Variants in MYRIP observed in about 807,000 individuals in gnomAD.
The protein encoded by MYRIP is rab effector MyRIP.
Under a neutral mutation model 98.0 loss-of-function variants are expected in MYRIP, and 49 were observed. The observed-to-expected ratio is 0.50, with a 90% CI of 0.40 to 0.63. The LOEUF is 0.63. Ranked by LOEUF, MYRIP falls within the 30% of genes least tolerant of loss-of-function variation. The pLI is 0.00. For synonymous variants in MYRIP, 404 were observed against 409.5 expected (o/e 0.99, Z 0.16); for missense variants, 1,004 against 1,058.2 (o/e 0.95, Z 0.71).
In MYRIP at chr3:40,054,996, G is replaced by A. The variant is rs1490252756; in HGVS notation, c.332+10725G>A. 1.4e-4 allele frequency among the ~76,000 whole-genome samples: 22 copies of A among 152,178 alleles called. 1 individual carries two copies. The highest frequency in any genetic ancestry group is 2.9e-5 in the Non-Finnish European group (2 of 68,032). On this transcript the variant is annotated intron_variant, in intron 3 of 16. Transcript: ENST00000302541. The stretch of plus-strand genomic sequence containing the variant: ...GGCCTTGGAGCAATTAGGGTAATAA[G>A]AAATCATGGGTTCTTAAGCTCTGTT...
chr3:40,226,402 C>T (rs1449408719), intron 11 of MYRIP, among the ~76,000 whole-genome samples: 1 of 152,138 alleles, frequency 6.6e-6, no homozygotes, highest in Non-Finnish European at 1.5e-5. Context: ...CAGAATATTG[C>T]ACCTTATATG....
chr3:40,155,432 A>C (rs1247443476), intron 4 of MYRIP, among the ~76,000 whole-genome samples: 1 of 151,956 alleles, frequency 6.6e-6, no homozygotes, highest in African/African-American at 2.4e-5. Context: ...TGCTATTGTG[A>C]ATAATGCCGC....
At chr3:40,201,877 A>G (rs1951571526) in intron 10 of MYRIP, among the ~76,000 whole-genome samples, 1 of 152,116 alleles carries the variant, frequency 6.6e-6, no homozygotes, top group African/African-American at 2.4e-5. Flanking sequence ...GAAAAGGGAA[A>G]ACTTCTACCT....
In MYRIP at chr3:40,099,378, G is replaced by A. The variant is rs548322930; in HGVS notation, c.333-51670G>A. On this transcript the variant is annotated intron_variant, in intron 3 of 16. Transcript: ENST00000302541. ...TTGTAATTTGGTGGAGTATGAGCAT[G>A]ATGTCTTTAGGTCCTTTCCACAAAT... Among the ~76,000 whole-genome samples the A allele has an allele frequency of 1.4e-3, 220 of 152,308 alleles. 1 individual carries two copies. The highest frequency in any genetic ancestry group is 5.2e-3 in the African/African-American group (217 of 41,568).
At chr3:40,103,623 G>A (rs1948994673) in intron 3 of MYRIP, among the ~76,000 whole-genome samples, 1 of 152,172 alleles carries the variant, frequency 6.6e-6, no homozygotes, top group Non-Finnish European at 1.5e-5. Flanking sequence ...GCCAGGCATG[G>A]TGGCATGCAC....
At chr3:40,083,907 G>A (rs1948537160) in intron 3 of MYRIP, among the ~76,000 whole-genome samples, 1 of 152,048 alleles carries the variant, frequency 6.6e-6, no homozygotes, top group Non-Finnish European at 1.5e-5. Flanking sequence ...TGAGGCCAAG[G>A]TGGGCGGATT....
In MYRIP at chr3:40,167,207, A is replaced by G; in HGVS notation, c.697A>G (p.Thr233Ala). Reference protein sequence around the residue: ...SYLRDHKEELTEELATTILQK... With the variant: ...SYLRDHKEELAEELATTILQK... Reference sequence around the variant, plus strand: ...CCTGCGGGACCACAAGGAGGAGCTAACTGAGGAACTGGCCACGACAATCCT... The same window carrying G: ...CCTGCGGGACCACAAGGAGGAGCTAGCTGAGGAACTGGCCACGACAATCCT... The change falls in exon 7 of 17, where the codon ACT becomes GCT. Residue 233 changes from threonine (T) to alanine (A), a missense_variant. Physicochemically the swap from Thr to Ala is moderately conservative, Grantham distance 58. Transcript: ENST00000302541. 6.2e-7 allele frequency: 1 copy of G among 1,614,190 alleles called. No homozygotes were observed. The highest frequency in any genetic ancestry group is 8.5e-7 in the Non-Finnish European group (1 of 1,180,020).
chr3:40,073,373 A>G (rs1004078424), intron 3 of MYRIP, among the ~76,000 whole-genome samples: 4 of 152,112 alleles, frequency 2.6e-5, no homozygotes, highest in African/African-American at 9.7e-5. Flanking sequence ...GCGGGTTTTT[A>G]TTATGTCGGA....
chr3:40,107,337 AT>A (rs1949068715), intron 3 of MYRIP, among the ~76,000 whole-genome samples: 1 of 152,254 alleles, frequency 6.6e-6, no homozygotes, highest in African/African-American at 2.4e-5. Context: ...TGAAACTCTA[AT>A]TTTCAACAAA....
rs563765134 is a variant in MYRIP, at chr3:39,975,647, T to G, written c.111-68403T>G. Reference sequence around the variant, plus strand: ...GGCATCACGCTACCTGACTTCAAACTATACTACAAGGCTACAGTAACCAAA... The same window carrying G: ...GGCATCACGCTACCTGACTTCAAACGATACTACAAGGCTACAGTAACCAAA... On this transcript the variant is annotated intron_variant, in intron 2 of 16. Coordinates refer to ENST00000302541, the MANE Select transcript of MYRIP (RefSeq NM_015460.4). Among the ~76,000 whole-genome samples the G allele has an allele frequency of 1.4e-3, 206 of 152,138 alleles. 3 individuals carry two copies. Among genetic ancestry groups the G allele is most frequent in the Admixed American group, 0.013 (205 of 15,286 alleles).
chr3:39,889,443 A>G (rs1943417175), intron 1 of MYRIP, among the ~76,000 whole-genome samples: 1 of 152,100 alleles, frequency 6.6e-6, no homozygotes, highest in South Asian at 2.1e-4. Context: ...AAAACCAAAG[A>G]CCACATATTC....
chr3:39,971,762 T>A (rs1480522549), intron 2 of MYRIP, among the ~76,000 whole-genome samples: 1 of 152,086 alleles, frequency 6.6e-6, no homozygotes, highest in Admixed American at 6.6e-5. Context: ...TTGAATTAAA[T>A]TCTTATTTAT....
chr3:40,194,704 G>A (rs957052010), intron 10 of MYRIP, among the ~76,000 whole-genome samples: 5 of 152,024 alleles, frequency 3.3e-5, no homozygotes, highest in African/African-American at 9.7e-5. Context: ...TATCAATAAT[G>A]TGGTATTTAT....
chr3:40,121,687 G>T (rs188369818), intron 3 of MYRIP, among the ~76,000 whole-genome samples: 278 of 152,218 alleles, frequency 1.8e-3, no homozygotes, highest in Non-Finnish European at 3.2e-3. Flanking sequence ...ACAGGCTTAG[G>T]ATGAAGCAAG....
chr3:40,129,440 C>CAAAAAAAAAAAAAAAAAAAAAAAAAAA (rs386396419), intron 3 of MYRIP, among the ~76,000 whole-genome samples: 1 of 29,356 alleles, frequency 3.4e-5, no homozygotes, highest in Non-Finnish European at 6.0e-5. Context: ...GACTCTGTCT[C>CAAAAAAAAAAAAAAAAAAAAAAAAAAA]AAAAAAAAAA....
chr3:40,005,806 G>T (rs1234947351), intron 2 of MYRIP, among the ~76,000 whole-genome samples: 1 of 152,070 alleles, frequency 6.6e-6, no homozygotes, highest in Non-Finnish European at 1.5e-5. Context: ...TTGTAACTGG[G>T]TCTATAATGT....
chr3:39,864,309 G>A lies in MYRIP; in HGVS notation c.-30-36478G>A, dbSNP rs760304495. On this transcript the variant is annotated intron_variant, in intron 1 of 16. Coordinates refer to ENST00000302541, the MANE Select transcript of MYRIP (RefSeq NM_015460.4). Reference sequence around the variant, plus strand: ...TTGGAAGTCCTAGTCAGAGAAATTGGACAAGAGGAAAAAAAATACATCAAA... The same window carrying A: ...TTGGAAGTCCTAGTCAGAGAAATTGAACAAGAGGAAAAAAAATACATCAAA... Among the ~76,000 whole-genome samples the A allele has an allele frequency of 3.0e-4, 46 of 151,848 alleles. 3 individuals carry two copies. Among genetic ancestry groups the A allele is most frequent in the Non-Finnish European group, 1.5e-4 (10 of 67,922 alleles).
intron 1 of MYRIP, among the ~76,000 whole-genome samples, chr3:39,860,374 G>C (rs956247945): frequency 5.9e-5 from 9 of 152,208 alleles, no homozygotes; most frequent in African/African-American, 2.2e-4. Context: ...GTTTGATATG[G>C]CAGCATCTCT....
At chr3:40,163,899 T>A (rs887550944) in intron 5 of MYRIP, among the ~76,000 whole-genome samples, 1 of 152,200 alleles carries the variant, frequency 6.6e-6, no homozygotes, top group Non-Finnish European at 1.5e-5. Context: ...TTGTGTCCTG[T>A]ATTATCCTTA....
Sources: gnomAD v4.1 joint callset for allele counts (sites outside exome capture counted in the v4.1 genomes callset) on GRCh38, gnomAD v4.1.1 for gene constraint, MANE v1.5 for transcripts, NCBI Gene and HGNC (gene_info 2026-07-23, HGNC 2026-07-21) for gene names.